Variants in OPCML observed in about 807,000 individuals in gnomAD.
The protein encoded by OPCML is opioid-binding protein/cell adhesion molecule.
OPCML carries 13 observed loss-of-function variants against 37.8 expected under a neutral mutation model. The observed-to-expected ratio is 0.34, with a 90% CI of 0.22 to 0.55. The LOEUF is 0.55. OPCML is among the 20% of genes least tolerant of loss of function. The pLI, the probability that OPCML is intolerant of heterozygous loss-of-function variation, is 0.91. For missense variants in OPCML, 341 were observed against 435.6 expected (o/e 0.78, Z 1.93); for synonymous variants, 176 against 168.8 (o/e 1.04, Z -0.33).
chr11:132,898,757 C>T (rs1450526080), intron 2 of OPCML, among the ~76,000 whole-genome samples: 1 of 152,110 alleles, frequency 6.6e-6, no homozygotes, highest in Non-Finnish European at 1.5e-5. Flanking sequence ...GCTCTGCTGA[C>T]CTAGAGGTCT....
intron 1 of OPCML, among the ~76,000 whole-genome samples, chr11:133,142,237 C>T (rs929931272): frequency 3.9e-5 from 6 of 152,296 alleles, no homozygotes; most frequent in Admixed American, 6.5e-5. Flanking sequence ...AAAAAAGGGT[C>T]GCAACTCATT....
intron 1 of OPCML, among the ~76,000 whole-genome samples, chr11:133,189,347 G>T (rs1327089945): frequency 2.0e-5 from 3 of 152,152 alleles, no homozygotes; most frequent in Non-Finnish European, 4.4e-5. Context: ...AGAGAAGCAA[G>T]GTGAAGACTA....
chr11:133,409,327 T>C (rs1242821721), intron 1 of OPCML, among the ~76,000 whole-genome samples: 2 of 152,184 alleles, frequency 1.3e-5, no homozygotes, highest in Non-Finnish European at 2.9e-5. Context: ...AGCTAAGTGG[T>C]GAGTTTAGAA....
At chr11:133,297,361 G>A (rs1159240078) in intron 1 of OPCML, 1 of 152,176 alleles carries the variant, frequency 6.6e-6, no homozygotes, top group African/African-American at 2.4e-5. Context: ...GGAAAGGTCA[G>A]TTGTGAAAAT....
chr11:133,038,220 G>A (rs1451286041), intron 1 of OPCML, among the ~76,000 whole-genome samples: 1 of 152,212 alleles, frequency 6.6e-6, no homozygotes, highest in African/African-American at 2.4e-5. Context: ...CCCACACCCA[G>A]CCATGCCATG....
intron 1 of OPCML, among the ~76,000 whole-genome samples, chr11:133,140,997 A>C (rs370087642): frequency 0.035 from 129 of 3,668 alleles, 40 homozygotes; most frequent in Non-Finnish European, 0.047. Flanking sequence ...AAGAAGAAGA[A>C]GACGACGACG....
intron 1 of OPCML, among the ~76,000 whole-genome samples, chr11:133,408,401 G>T (rs1945568328): frequency 1.3e-5 from 2 of 152,210 alleles, no homozygotes; most frequent in South Asian, 4.1e-4. Context: ...CAAACTATTA[G>T]AAAGATGGCG....
At chr11:133,083,057 C>G (rs1185958391) in intron 1 of OPCML, among the ~76,000 whole-genome samples, 1 of 102,844 alleles carries the variant, frequency 9.7e-6, no homozygotes, top group African/African-American at 3.1e-5. Flanking sequence ...GGTGGAGCCA[C>G]AGGGCACCCG....
At chr11:133,057,634 G>C (rs576832382) in intron 1 of OPCML, among the ~76,000 whole-genome samples, 2 of 152,270 alleles carry the variant, frequency 1.3e-5, no homozygotes, top group African/African-American at 4.8e-5. Flanking sequence ...CCTAGCAACT[G>C]GTCTGCTATT....
chr11:133,095,277 G>GTTT lies in OPCML; in HGVS notation c.62-152270_62-152268dup, dbSNP rs60154725. ...AGACTAAGATGATTTTAATGTAAAT[G>GTTT]TTTTTTTTTTTTTTTTTTTTTTTTT... On this transcript the variant is annotated intron_variant, in intron 1 of 7. Coordinates refer to ENST00000524381, the MANE Select transcript of OPCML (RefSeq NM_001012393.5). Among the ~76,000 whole-genome samples the GTTT allele has an allele frequency of 4.5e-3, 201 of 44,242 alleles. 31 individuals are homozygous for GTTT. The highest frequency in any genetic ancestry group is 0.012 in the African/African-American group (133 of 10,876). The allele number at this position is 44,242 out of a possible 152,430, so 29.0% of individuals were successfully genotyped here.
intron 1 of OPCML, among the ~76,000 whole-genome samples, chr11:133,351,564 AAGGGCTACCCC>A (rs1254892931): frequency 6.6e-6 from 1 of 152,116 alleles, no homozygotes; most frequent in Non-Finnish European, 1.5e-5. Context: ...CCTCTAAAAG[AAGGGCTACCCC>A]AGGATTCTAG....
intron 3 of OPCML, among the ~76,000 whole-genome samples, chr11:132,555,679 A>T (rs548474866): frequency 4.6e-5 from 7 of 152,152 alleles, no homozygotes; most frequent in African/African-American, 1.7e-4. Flanking sequence ...GGATGAATGA[A>T]GGCGCGTAGA....
chr11:133,015,305 G>T (rs1319630066), intron 1 of OPCML, among the ~76,000 whole-genome samples: 11 of 141,280 alleles, frequency 7.8e-5, no homozygotes, highest in African/African-American at 2.8e-4. Context: ...AGTATGCGTT[G>T]TATTATGAAG....
At chr11:133,295,867 A>T (rs867768865) in intron 1 of OPCML, among the ~76,000 whole-genome samples, 4 of 152,382 alleles carry the variant, frequency 2.6e-5, no homozygotes, top group Middle Eastern at 3.4e-3. Context: ...TTTGCAAATC[A>T]CAGTCAATAG....
chr11:132,999,705 C>T (rs1174317201), intron 1 of OPCML, among the ~76,000 whole-genome samples: 1 of 152,146 alleles, frequency 6.6e-6, no homozygotes, highest in East Asian at 1.9e-4. Context: ...TCAGGAACTC[C>T]GGCGCCAAGG....
chr11:132,988,974 G>T (rs746997095), intron 1 of OPCML, among the ~76,000 whole-genome samples: 3 of 152,190 alleles, frequency 2.0e-5, no homozygotes, highest in Non-Finnish European at 2.9e-5. Context: ...GGATTTTAAA[G>T]ACTACAATAA....
At chr11:132,657,356 G>A in intron 2 of OPCML, 37 bp from the exon 3 acceptor site, 1 of 1,608,386 alleles carries the variant, frequency 6.2e-7, no homozygotes, top group Non-Finnish European at 8.5e-7. Context: ...GGAGGAAGAA[G>A]GGAAAGAGAG....
intron 4 of OPCML, among the ~76,000 whole-genome samples, chr11:132,488,516 A>G (rs193170605): frequency 2.5e-4 from 38 of 152,328 alleles, no homozygotes; most frequent in Admixed American, 9.8e-4. Flanking sequence ...ATGAAAAGGT[A>G]TACTTGTATA....
intron 2 of OPCML, among the ~76,000 whole-genome samples, chr11:132,931,757 C>G (rs575162246): frequency 6.6e-6 from 1 of 152,154 alleles, no homozygotes; most frequent in Non-Finnish European, 1.5e-5. Context: ...GGCGTTTCCT[C>G]AAAAAAATTA....
Sources: allele counts gnomAD v4.1 joint callset (sites outside exome capture counted in the v4.1 genomes callset), GRCh38; gene constraint gnomAD v4.1.1; transcripts MANE v1.5; gene names NCBI Gene and HGNC (gene_info 2026-07-23, HGNC 2026-07-21).